Variants in CCDC134 observed in about 807,000 individuals in gnomAD.
The protein encoded by CCDC134 is coiled-coil domain containing 134, also known as coiled-coil domain-containing protein 134.
CCDC134 carries 27 observed loss-of-function variants against 25.6 expected under a neutral mutation model. That is an observed-to-expected ratio of 1.05 (90% CI 0.78 to 1.45). CCDC134 has a LOEUF of 1.45. Among genes scored for constraint, CCDC134 ranks in the 40% most tolerant of loss-of-function variants. The probability of loss-of-function intolerance (pLI) is 0.00; values close to 1 mark genes in which losing one functional copy is unlikely to be tolerated. For synonymous variants in CCDC134, 110 were observed against 115.0 expected (o/e 0.96, Z 0.28); for missense variants, 261 against 286.7 (o/e 0.91, Z 0.65).
At chr22:41,813,649 C>A in intron 5 of CCDC134, 102 bp from the exon 6 acceptor site, 1 of 1,337,448 alleles carries the variant, frequency 7.5e-7, no homozygotes, top group South Asian at 1.2e-5. Context: ...TGGCCCACAT[C>A]TGCCCAAGTC....
At chr22:41,806,770 A>G (rs978498952) in intron 1 of CCDC134, among the ~76,000 whole-genome samples, 2 of 152,044 alleles carry the variant, frequency 1.3e-5, no homozygotes, top group African/African-American at 4.8e-5. Flanking sequence ...AGTACCAGCC[A>G]GGCACGGTGG....
rs2076681877 is a variant in CCDC134, at chr22:41,826,792, G to A, written c.*969G>A. 6.6e-6 allele frequency among the ~76,000 whole-genome samples: 1 copy of A among 152,204 alleles called. No individual in the cohort carries two copies. The highest frequency in any genetic ancestry group is 2.4e-5 in the African/African-American group (1 of 41,458). ...GCATGTGGCCCTGGGTAGGGCAGCT[G>A]CCCTTCACTCATGCCCCTCCCAAGC... On this transcript the variant is annotated 3_prime_UTR_variant, in exon 7 of 7. Coordinates refer to ENST00000255784, the MANE Select transcript of CCDC134 (RefSeq NM_024821.5).
intron 2 of CCDC134, 134 bp from the exon 3 acceptor site, chr22:41,809,745 C>T (rs2076585067): frequency 2.6e-6 from 3 of 1,146,132 alleles, no homozygotes; most frequent in East Asian, 2.5e-5. Flanking sequence ...TGTTCATTTC[C>T]TGGAGGCTTC....
At chr22:41,807,751 G>A (rs1253417972) in intron 1 of CCDC134, among the ~76,000 whole-genome samples, 2 of 152,156 alleles carry the variant, frequency 1.3e-5, no homozygotes, top group African/African-American at 2.4e-5. Flanking sequence ...GCTGGGCATA[G>A]TGGCTCACGC....
chr22:41,810,256 A>G lies in CCDC134; in HGVS notation c.275A>G (p.Asp92Gly), dbSNP rs1569354730. The G allele has an allele frequency of 4.3e-6, 7 of 1,614,096 alleles. No individual in the cohort carries two copies. The highest frequency in any genetic ancestry group is 5.9e-6 in the Non-Finnish European group (7 of 1,179,992). ...CTCACCGCTGCTGATGTGCTCCCAG[A>G]TGGGCCCTTCCCCCAGGACGAGAAG... ...TVLTAADVLP[D>G]GPFPQDEKLK... is the part of the protein sequence containing the mutation. Residue 92 changes from aspartate (D) to glycine (G), a missense_variant, in exon 4 of 7, where the codon GAT (aspartate) becomes GGT (glycine). Transcript: ENST00000255784.
chr22:41,810,405 A>C (rs1602237453), intron 4 of CCDC134, 114 bp downstream of exon 4: 3 of 925,828 alleles, frequency 3.2e-6, no homozygotes, highest in Non-Finnish European at 3.3e-6. Context: ...CTCTTGTGGC[A>C]CCTTCTAAGT....
intron 6 of CCDC134, among the ~76,000 whole-genome samples, chr22:41,821,994 G>A (rs2076654671): frequency 1.3e-5 from 2 of 152,132 alleles, no homozygotes; most frequent in South Asian, 2.1e-4. Flanking sequence ...GAGGATGAGC[G>A]GACCAGGGAA....
chr22:41,822,409 G>A (rs889464174), intron 6 of CCDC134, among the ~76,000 whole-genome samples: 1 of 152,130 alleles, frequency 6.6e-6, no homozygotes, highest in African/African-American at 2.4e-5. Context: ...AAATACATGT[G>A]GTCTGCCTCT....
chr22:41,813,933 G>C, intron 6 of CCDC134, 111 bp downstream of exon 6: 1 of 855,950 alleles, frequency 1.2e-6, no homozygotes, highest in Non-Finnish European at 1.9e-6. Context: ...GAGCCAGGCA[G>C]CCTGGGCCTG....
At chr22:41,812,362 C>T (rs959378352) in intron 4 of CCDC134, among the ~76,000 whole-genome samples, 2 of 138,148 alleles carry the variant, frequency 1.4e-5, no homozygotes, top group African/African-American at 5.6e-5. Context: ...GCGGAGGTTG[C>T]AGTGAGCCAA....
intron 1 of CCDC134, among the ~76,000 whole-genome samples, chr22:41,807,026 C>T (rs912410440): frequency 3.9e-5 from 6 of 152,074 alleles, no homozygotes; most frequent in Non-Finnish European, 7.3e-5. Context: ...CCAGACTGGG[C>T]AACAGAGCAA....
chr22:41,813,170 T>C (rs1178474648), intron 4 of CCDC134, 94 bp from the exon 5 acceptor site: 1 of 1,283,594 alleles, frequency 7.8e-7, no homozygotes, highest in African/African-American at 1.5e-5. Context: ...TTGGTGGGTT[T>C]GGTGGATGTC....
At chr22:41,814,567 CA>C (rs1331286924) in intron 6 of CCDC134, among the ~76,000 whole-genome samples, 340 of 130,932 alleles carry the variant, frequency 2.6e-3, no homozygotes, top group African/African-American at 3.5e-3. Context: ...AACTCCGTAT[CA>C]AAAAAAAAAA....
At chr22:41,809,334 C>T (rs1464681884) in intron 2 of CCDC134, among the ~76,000 whole-genome samples, 2 of 152,088 alleles carry the variant, frequency 1.3e-5, no homozygotes, top group African/African-American at 2.4e-5. Context: ...CAGGCCAGGC[C>T]TCAAGGACAC....
At chr22:41,811,016 C>A (rs968511003) in intron 4 of CCDC134, among the ~76,000 whole-genome samples, 39 of 152,034 alleles carry the variant, frequency 2.6e-4, no homozygotes, top group African/African-American at 8.7e-4. Flanking sequence ...ATTCTGAAGC[C>A]CCGGGGTCCC....
chr22:41,801,232 G>A (rs1013594464), intron 1 of CCDC134, among the ~76,000 whole-genome samples: 1 of 152,160 alleles, frequency 6.6e-6, no homozygotes, highest in Non-Finnish European at 1.5e-5. Flanking sequence ...TGAGTTTGGA[G>A]CAGGAGGTGG....
At chr22:41,810,608 GC>G (rs1357049322) in intron 4 of CCDC134, among the ~76,000 whole-genome samples, 2 of 143,264 alleles carry the variant, frequency 1.4e-5, no homozygotes, top group Non-Finnish European at 3.0e-5. Context: ...TGATTCTCCT[GC>G]CTCAGCCTCC....
chr22:41,812,323 G>A (rs1179481998), intron 4 of CCDC134, among the ~76,000 whole-genome samples: 51 of 151,346 alleles, frequency 3.4e-4, no homozygotes, highest in Non-Finnish European at 1.6e-4. Context: ...TCGGGAGGCT[G>A]AGGCAGGAGA....
In CCDC134 at chr22:41,825,937, C is replaced by T; in HGVS notation, c.*114C>T. On this transcript the variant is annotated 3_prime_UTR_variant, in exon 7 of 7. Coordinates refer to ENST00000255784, the MANE Select transcript of CCDC134 (RefSeq NM_024821.5). The surrounding 1 kb of genome is among the most constrained non-coding windows in gnomAD (Gnocchi z 4.4). The stretch of plus-strand genomic sequence containing the variant: ...GCTAGCCCCTTCCAGAAGGGGAGGC[C>T]ACATTTGCCCGGCCCCCTGGAGCTG... 1 of 1,446,890 alleles carries T rather than the reference C, an allele frequency of 6.9e-7. No homozygotes were observed. The highest frequency in any genetic ancestry group is 9.4e-7 in the Non-Finnish European group (1 of 1,065,202). The allele number at this position is 1,446,890 out of a possible 1,614,324, so 89.6% of individuals were successfully genotyped here. A position where few individuals can be genotyped will look rare whatever the true frequency, so the allele number is the denominator to read the frequency against.
Sources: allele counts gnomAD v4.1 joint callset (sites outside exome capture counted in the v4.1 genomes callset), GRCh38; gene constraint gnomAD v4.1.1; non-coding constraint Gnocchi (gnomAD v3.1); transcripts MANE v1.5; gene names NCBI Gene and HGNC (gene_info 2026-07-23, HGNC 2026-07-21).